The following NR3C1 variants were observed in gnomAD, a reference collection of about 807,000 sequenced individuals.
The protein encoded by NR3C1 is glucocorticoid receptor.
Under a neutral mutation model 74.0 loss-of-function variants are expected in NR3C1, and 14 were observed. The observed-to-expected ratio is 0.19, with a 90% CI of 0.12 to 0.30. The LOEUF is 0.30. Ranked by LOEUF, NR3C1 falls within the 10% of genes least tolerant of loss-of-function variation. NR3C1 has a pLI of 1.00. For missense variants in NR3C1, 695 were observed against 909.8 expected, an observed-to-expected ratio of 0.76 and a Z score of 3.04; for synonymous variants, 308 against 332.5, an observed-to-expected ratio of 0.93 and a Z score of 0.80.
At chr5:143,382,720 G>A (rs146961507) in intron 2 of NR3C1, among the ~76,000 whole-genome samples, 152 of 152,280 alleles carry the variant, frequency 1.0e-3, no homozygotes, top group African/African-American at 3.5e-3. Flanking sequence ...GTGAGATCTG[G>A]ATATCAAAAC....
At position 143,281,396 on chromosome 5, in the gene NR3C1, C is replaced by CACA; in HGVS notation, c.*490_*492dup. 1 of 158,924 alleles carries CACA rather than the reference C, an allele frequency of 6.3e-6. No homozygotes were observed. 9.8% of individuals were successfully genotyped at this position (158,924 alleles called of 1,614,324 possible). Reference sequence around the variant, plus strand: ...ACCAGACAGTAATAGCTATAAAAGGCACAACTTCCCTTTTCTGATATACAC... The same window carrying CACA: ...ACCAGACAGTAATAGCTATAAAAGGCACAACAACTTCCCTTTTCTGATATACAC... On this transcript the variant is annotated 3_prime_UTR_variant, in exon 9 of 9. Transcript: ENST00000394464.
At chr5:143,323,985 G>C (rs2151664239) in intron 2 of NR3C1, among the ~76,000 whole-genome samples, 1 of 152,286 alleles carries the variant, frequency 6.6e-6, no homozygotes, top group South Asian at 2.1e-4. Context: ...CATGGTCTTG[G>C]GCAGCTCCGC....
intron 2 of NR3C1, among the ~76,000 whole-genome samples, chr5:143,377,008 G>C (rs1469090164): frequency 6.6e-6 from 1 of 152,140 alleles, no homozygotes; most frequent in African/African-American, 2.4e-5. Context: ...TGTGATCTCG[G>C]TTACACTGGG....
chr5:143,432,003 G>A lies in NR3C1; in HGVS notation c.-14+2529C>T, dbSNP rs566408677. Among the ~76,000 whole-genome samples the A allele has an allele frequency of 1.9e-3, 283 of 152,340 alleles. 1 individual carries two copies. Among genetic ancestry groups the A allele is most frequent in the African/African-American group, 6.4e-3 (267 of 41,574 alleles). On this transcript the variant is annotated intron_variant, in intron 1 of 8. Transcript: ENST00000343796. ...GGTGGTAGCTGCAAAGCTGACAGGAGCGGAGTTTCAACCTTGGTGGGGGTG... is the reference window on the plus strand; with the variant it reads ...GGTGGTAGCTGCAAAGCTGACAGGAACGGAGTTTCAACCTTGGTGGGGGTG...
intron 1 of NR3C1, among the ~76,000 whole-genome samples, chr5:143,431,469 G>A (rs1171304663): frequency 1.3e-5 from 2 of 151,986 alleles, no homozygotes; most frequent in African/African-American, 4.8e-5. Context: ...ACACAGGGAG[G>A]GGAACATCAC....
intron 2 of NR3C1, among the ~76,000 whole-genome samples, chr5:143,320,055 TTTC>T (rs920006015): frequency 1.3e-5 from 2 of 152,220 alleles, no homozygotes; most frequent in African/African-American, 4.8e-5. Flanking sequence ...CACCTGCACT[TTTC>T]TTATCTTTGT....
At position 143,434,034 on chromosome 5, in the gene NR3C1, C is replaced by A. The variant is rs551345851; in HGVS notation, c.-14+498G>T. Among the ~76,000 whole-genome samples, 122 of 152,322 alleles carry A rather than the reference C, an allele frequency of 8.0e-4. 2 individuals carry two copies. Among genetic ancestry groups the A allele is most frequent in the African/African-American group, 2.9e-3 (119 of 41,586 alleles). On this transcript the variant is annotated intron_variant, in intron 1 of 8. Coordinates refer to the NR3C1 transcript ENST00000343796. Reference sequence around the variant, plus strand: ...GGCCTTTCTACTGGCTATTTCCGCCCTGCCCCTTGAGTCTTCCAGATATTC... The same window carrying A: ...GGCCTTTCTACTGGCTATTTCCGCCATGCCCCTTGAGTCTTCCAGATATTC...
At chr5:143,414,370 C>T (rs886111829) in intron 1 of NR3C1, among the ~76,000 whole-genome samples, 1 of 152,156 alleles carries the variant, frequency 6.6e-6, no homozygotes, top group Non-Finnish European at 1.5e-5. Flanking sequence ...GCAAATGTCT[C>T]AAGCCTCTGC....
At chr5:143,345,177 G>A (rs1829038188) in intron 2 of NR3C1, among the ~76,000 whole-genome samples, 1 of 152,026 alleles carries the variant, frequency 6.6e-6, no homozygotes, top group South Asian at 2.1e-4. Context: ...ACCCTGAACT[G>A]GAATGAACAC....
In NR3C1 at chr5:143,292,918, T is replaced by C. The variant is rs898493309; in HGVS notation, c.2023+2542A>G. ...TCTCTGAGGGATCTAAGAAAAGTCATTGCTTTTCCAGTTTCTATAGCTTTG... is the reference window on the plus strand; with the variant it reads ...TCTCTGAGGGATCTAAGAAAAGTCACTGCTTTTCCAGTTTCTATAGCTTTG... On this transcript the variant is annotated intron_variant, in intron 7 of 8. Transcript: ENST00000394464. Among the ~76,000 whole-genome samples the C allele has an allele frequency of 3.9e-5, 6 of 152,354 alleles. No homozygotes were observed. The South Asian group carries it at 8.3e-4, about 21-fold the overall frequency.
At chr5:143,336,928 A>G (rs1050062128) in intron 2 of NR3C1, among the ~76,000 whole-genome samples, 2 of 151,846 alleles carry the variant, frequency 1.3e-5, no homozygotes, top group Non-Finnish European at 2.9e-5. Context: ...CAGTGAGCCA[A>G]GACTGTGCCG....
intron 2 of NR3C1, among the ~76,000 whole-genome samples, chr5:143,352,779 G>A (rs1431401655): frequency 6.6e-6 from 1 of 152,192 alleles, no homozygotes; most frequent in East Asian, 1.9e-4. Flanking sequence ...CTTTCAGTGA[G>A]TTGTAATCTT....
chr5:143,375,127 G>A (rs1331589582), intron 2 of NR3C1, among the ~76,000 whole-genome samples: 2 of 152,112 alleles, frequency 1.3e-5, no homozygotes, highest in African/African-American at 4.8e-5. Flanking sequence ...AGAAAGTCTA[G>A]TCATGCCACC....
intron 1 of NR3C1, chr5:143,408,860 A>C (rs940808371): frequency 6.6e-6 from 1 of 151,888 alleles, no homozygotes; most frequent in African/African-American, 2.4e-5. Context: ...ATGATTCCTC[A>C]CTCCTGCCCC....
chr5:143,363,563 A>C (rs1444477649), intron 2 of NR3C1, among the ~76,000 whole-genome samples: 1 of 131,636 alleles, frequency 7.6e-6, no homozygotes, highest in Non-Finnish European at 1.6e-5. Flanking sequence ...ACAGAGCGAG[A>C]CTCCATCTCC....
At chr5:143,329,440 T>A (rs1825439004) in intron 2 of NR3C1, among the ~76,000 whole-genome samples, 1 of 152,160 alleles carries the variant, frequency 6.6e-6, no homozygotes, top group South Asian at 2.1e-4. Context: ...CTAATCCCAT[T>A]TGACAGATGC....
chr5:143,400,562 G>A lies in NR3C1; in HGVS notation c.278C>T (p.Thr93Ile). The A allele has an allele frequency of 6.2e-7, 1 of 1,614,216 alleles. No individual in the cohort carries two copies. ...SLSMGLYMGETETKVMGNDLG... is the reference protein window; with the variant it reads ...SLSMGLYMGEIETKVMGNDLG... The stretch of plus-strand genomic sequence containing the variant: ...GTCATTTCCCATCACTTTTGTTTCT[G>A]TCTCTCCCATATACAGTCCCATTGA... Residue 93 changes from threonine (T) to isoleucine (I), a missense_variant, in exon 2 of 9, where the codon ACA becomes ATA. By Grantham distance (89) the Thr-to-Ile change is moderately conservative. Transcript: ENST00000394464.
rs1820224566 is a variant in NR3C1, at chr5:143,308,859, A to G, written c.1468+1238T>C. 2.0e-5 allele frequency among the ~76,000 whole-genome samples: 3 copies of G among 152,192 alleles called. No homozygotes were observed. The South Asian group carries it at 6.2e-4, about 32-fold the overall frequency. On this transcript the variant is annotated intron_variant, in intron 4 of 8. Coordinates refer to ENST00000394464, the MANE Select transcript of NR3C1 (RefSeq NM_000176.3). ...TACCTAGTGACTGCCTTGTTGGTGC[A>G]TATTTGTTGAATAAAAGTGCTAATT... is the stretch of plus-strand genomic sequence containing the variant.
intron 2 of NR3C1, among the ~76,000 whole-genome samples, chr5:143,319,983 A>G (rs1428953395): frequency 6.6e-6 from 1 of 152,206 alleles, no homozygotes. Flanking sequence ...GATTGGCTTG[A>G]GCCAGTAATT....
Sources: allele counts gnomAD v4.1 joint callset (sites outside exome capture counted in the v4.1 genomes callset), GRCh38; gene constraint gnomAD v4.1.1; transcripts MANE v1.5; gene names NCBI Gene and HGNC (gene_info 2026-07-23, HGNC 2026-07-21).